ABCA13: variants seen among roughly 807,000 people sequenced by gnomAD.
ABCA13 encodes the protein ATP-binding cassette sub-family A member 13.
In ABCA13, 476 loss-of-function variants were observed where a neutral mutation model predicts 478.7. That is an observed-to-expected ratio of 0.99 (90% CI 0.92 to 1.07). The LOEUF (loss-of-function observed/expected upper bound fraction) is 1.07, where lower values mean the gene tolerates loss of function less well. Among genes scored for constraint, ABCA13 ranks in the 50% least tolerant of loss-of-function variants. The pLI is 0.00. For missense variants in ABCA13, 6,060 were observed against 5,910.6 expected, an observed-to-expected ratio of 1.03 and a Z score of -0.83; for synonymous variants, 2,252 against 2,158.9, an observed-to-expected ratio of 1.04 and a Z score of -1.20.
At chr7:48,524,476 T>C in intron 54 of ABCA13, 36 bp downstream of exon 54, 1 of 1,569,806 alleles carries the variant, frequency 6.4e-7, no homozygotes, top group Non-Finnish European at 8.7e-7. Flanking sequence ...TCTTCTGTTG[T>C]GAACCTGTAC....
chr7:48,261,031 T>C (rs535378706), intron 15 of ABCA13, among the ~76,000 whole-genome samples: 2 of 151,912 alleles, frequency 1.3e-5, no homozygotes, highest in African/African-American at 4.8e-5. Flanking sequence ...ATTGGTAATT[T>C]AGTTGGGCAT....
At chr7:48,418,769 T>G (rs1020897411) in intron 41 of ABCA13, among the ~76,000 whole-genome samples, 1 of 152,216 alleles carries the variant, frequency 6.6e-6, no homozygotes, top group African/African-American at 2.4e-5. Context: ...TATTTTCAGA[T>G]TAGACACTGT....
chr7:48,502,372 C>T (rs1830833294), intron 48 of ABCA13, among the ~76,000 whole-genome samples: 2 of 152,202 alleles, frequency 1.3e-5, no homozygotes, highest in African/African-American at 4.8e-5. Context: ...TGTTTTTAAT[C>T]TTTCAGCAGT....
Position 48,646,891 on chromosome 7 carries a change from G to A in ABCA13, c.*1379G>A, listed in dbSNP as rs1160508353. ...CATTCTCAGAATTGTTGTCTTCAAAGCATTGTCAGATGTAGAGTGCTCAGA... is the reference window on the plus strand; with the variant it reads ...CATTCTCAGAATTGTTGTCTTCAAAACATTGTCAGATGTAGAGTGCTCAGA... On this transcript the variant is annotated 3_prime_UTR_variant, in exon 62 of 62. Coordinates refer to ENST00000435803, the MANE Select transcript of ABCA13 (RefSeq NM_152701.5). 3 of 152,154 alleles carry A rather than the reference G, an allele frequency of 2.0e-5. No homozygotes were observed. The East Asian group carries it at 5.8e-4, about 29-fold the overall frequency. The allele number at this position is 152,154 out of a possible 1,614,324, so 9.4% of individuals were successfully genotyped here.
chr7:48,212,310 T>C (rs929643161), intron 3 of ABCA13, among the ~76,000 whole-genome samples: 3 of 152,216 alleles, frequency 2.0e-5, no homozygotes, highest in Non-Finnish European at 4.4e-5. Flanking sequence ...CTGCACTGCC[T>C]GGGATTGAGT....
At chr7:48,252,144 A>G (rs1343179177) in intron 15 of ABCA13, among the ~76,000 whole-genome samples, 3 of 151,990 alleles carry the variant, frequency 2.0e-5, no homozygotes, top group African/African-American at 4.8e-5. Flanking sequence ...CGTCTTCTGC[A>G]TGTGTACATT....
At chr7:48,390,378 C>T (rs7806347) in intron 37 of ABCA13, among the ~76,000 whole-genome samples, 13,146 of 152,172 alleles carry the variant, frequency 0.086, 632 homozygotes, top group East Asian at 0.12. Flanking sequence ...CTATTTAAAA[C>T]AACAGTCTTT....
chr7:48,272,912 T>C lies in ABCA13; in HGVS notation c.3246T>C (p.Tyr1082=). 1 of 1,612,276 alleles carries C rather than the reference T, an allele frequency of 6.2e-7. No individual in the cohort carries two copies. The highest frequency in any genetic ancestry group is 8.5e-7 in the Non-Finnish European group (1 of 1,178,954). ...ATTTTCGTATTTCTTTATTTCAATA[T>C]ATGAGCCAATTCTTCAACAGTTCAG... ...DEDFRISLFQ[Y]MSQFFNSSVE... is the part of the protein sequence containing the mutation. The change falls in exon 17 of 62, where the codon TAT becomes TAC. Residue 1082 remains tyrosine, a synonymous_variant. Coordinates refer to ENST00000435803, the MANE Select transcript of ABCA13 (RefSeq NM_152701.5).
At chr7:48,239,442 T>G in intron 9 of ABCA13, 37 bp downstream of exon 9, 1 of 1,542,410 alleles carries the variant, frequency 6.5e-7, no homozygotes, top group Non-Finnish European at 8.7e-7. Context: ...TTCAAAGGTG[T>G]GCCAGTTTGA....
intron 1 of ABCA13, among the ~76,000 whole-genome samples, chr7:48,188,184 A>G (rs143793465): frequency 0.023 from 3,513 of 152,272 alleles, 53 homozygotes; most frequent in Non-Finnish European, 0.035. Flanking sequence ...TACAACCTTT[A>G]TTAGACCAGT....
At chr7:48,493,572 G>T (rs1369980511) in intron 48 of ABCA13, among the ~76,000 whole-genome samples, 2 of 152,062 alleles carry the variant, frequency 1.3e-5, no homozygotes, top group Non-Finnish European at 2.9e-5. Flanking sequence ...GGTTGTGGGT[G>T]GTGATGATAG....
rs143729643 is a variant in ABCA13, at chr7:48,178,585, G to A, written c.69+7033G>A. On this transcript the variant is annotated intron_variant, in intron 1 of 61. Transcript: ENST00000435803. Reference sequence around the variant, plus strand: ...AGCTACCGAGGAGGCTAAGGCAGGAGAATCACTTGAATCTAGGAGGCAGAG... The same window carrying A: ...AGCTACCGAGGAGGCTAAGGCAGGAAAATCACTTGAATCTAGGAGGCAGAG... Among the ~76,000 whole-genome samples, 100 of 152,096 alleles carry A rather than the reference G, an allele frequency of 6.6e-4. 1 individual carries two copies. The East Asian group carries it at 0.018, about 27-fold the overall frequency.
intron 23 of ABCA13, among the ~76,000 whole-genome samples, chr7:48,309,234 T>C (rs1028711336): frequency 1.2e-4 from 19 of 152,106 alleles, no homozygotes; most frequent in African/African-American, 4.3e-4. Flanking sequence ...TTGGCCTGAA[T>C]GTTTCACAGC....
Position 48,544,015 on chromosome 7 carries a change from G to T in ABCA13, c.14354+15670G>T, listed in dbSNP as rs181358976. Among the ~76,000 whole-genome samples the T allele has an allele frequency of 1.4e-3, 212 of 151,602 alleles. 4 individuals carry two copies. The highest frequency in any genetic ancestry group is 3.4e-3 in the Middle Eastern group (1 of 292). On this transcript the variant is annotated intron_variant, in intron 55 of 61. Coordinates refer to ENST00000435803, the MANE Select transcript of ABCA13 (RefSeq NM_152701.5). The stretch of plus-strand genomic sequence containing the variant: ...TTTATTCTAGTAAATAATTGAGAAG[G>T]TATTGTTCCTATATATTTAACAATT...
chr7:48,257,810 C>T (rs899903747), intron 15 of ABCA13, among the ~76,000 whole-genome samples: 4 of 152,146 alleles, frequency 2.6e-5, no homozygotes, highest in African/African-American at 9.7e-5. Context: ...CAGGATGATG[C>T]TAGGCTCATA....
intron 31 of ABCA13, among the ~76,000 whole-genome samples, chr7:48,356,398 T>C (rs1809921445): frequency 6.6e-6 from 1 of 151,512 alleles, no homozygotes; most frequent in Admixed American, 6.6e-5. Context: ...TTTTTTTTTT[T>C]TTTAAATATA....
Position 48,273,342 on chromosome 7 carries a change from G to A in ABCA13, c.3676G>A (p.Glu1226Lys), listed in dbSNP as rs1344441506. The A allele has an allele frequency of 6.8e-6, 11 of 1,613,498 alleles. No individual in the cohort carries two copies. In the East Asian group the frequency reaches 8.9e-5, roughly 13 times the overall value. Residue 1226 changes from glutamate (E) to lysine (K), a missense_variant, in exon 17 of 62, where the codon GAG becomes AAG. Coordinates refer to ENST00000435803, the MANE Select transcript of ABCA13 (RefSeq NM_152701.5). ...TCAAGCCAATGACTTCCATAATTGGGAGGACTTCCTGGATCTCAGGGATTT... is the reference window on the plus strand; with the variant it reads ...TCAAGCCAATGACTTCCATAATTGGAAGGACTTCCTGGATCTCAGGGATTT... ...VTQANDFHNWEDFLDLRDFLV... is the reference protein window; with the variant it reads ...VTQANDFHNWKDFLDLRDFLV...
intron 42 of ABCA13, among the ~76,000 whole-genome samples, chr7:48,435,181 A>T (rs1585308831): frequency 6.6e-6 from 1 of 151,842 alleles, no homozygotes; most frequent in Non-Finnish European, 1.5e-5. Flanking sequence ...CATTTTCTTC[A>T]GTAACATTTT....
Position 48,274,470 on chromosome 7 carries a change from A to C in ABCA13, c.4804A>C (p.Ser1602Arg). 1.9e-6 allele frequency: 3 copies of C among 1,613,894 alleles called. No individual in the cohort carries two copies. Among genetic ancestry groups the C allele is most frequent in the East Asian group, 4.5e-5 (2 of 44,858 alleles). Residue 1602 changes from serine (S) to arginine (R), a missense_variant, in exon 17 of 62, where the codon AGT becomes CGT. Coordinates refer to ENST00000435803, the MANE Select transcript of ABCA13 (RefSeq NM_152701.5). The part of the protein sequence containing the change: ...SVGNSIYHLA[S>R]YLAFSLSHDL... The stretch of plus-strand genomic sequence containing the variant: ...AGGCAATTCCATTTATCACTTAGCT[A>C]GTTACCTTGCCTTCAGCTTATCTCA...
Sources: allele counts gnomAD v4.1 joint callset (sites outside exome capture counted in the v4.1 genomes callset), GRCh38; gene constraint gnomAD v4.1.1; transcripts MANE v1.5; gene names NCBI Gene and HGNC (gene_info 2026-07-23, HGNC 2026-07-21).